The following ZMYM4 variants were observed in gnomAD, a reference collection of about 807,000 sequenced individuals.
The protein encoded by ZMYM4 is zinc finger MYM-type containing 4.
In ZMYM4, 31 loss-of-function variants were observed where a neutral mutation model predicts 183.2. That is an observed-to-expected ratio of 0.17 (90% CI 0.13 to 0.23). The LOEUF is 0.23. ZMYM4 is among the 10% of genes least tolerant of loss of function. The pLI is 1.00. For synonymous variants in ZMYM4, 592 were observed against 631.2 expected, an observed-to-expected ratio of 0.94 and a Z score of 0.93; for missense variants, 1,273 against 1,840.3, an observed-to-expected ratio of 0.69 and a Z score of 5.64.
At chr1:35,322,098 T>C (rs904427722) in intron 1 of ZMYM4, among the ~76,000 whole-genome samples, 1 of 152,168 alleles carries the variant, frequency 6.6e-6, no homozygotes, top group Non-Finnish European at 1.5e-5. Flanking sequence ...AACAGGGACA[T>C]TTCTATGTCT....
intron 1 of ZMYM4, among the ~76,000 whole-genome samples, chr1:35,275,068 G>GA (rs1639803421): frequency 6.6e-6 from 1 of 152,060 alleles, no homozygotes; most frequent in Non-Finnish European, 1.5e-5. Context: ...TACTTCTTAG[G>GA]AATCATTAAG....
At chr1:35,356,238 A>G (rs555649036) in intron 2 of ZMYM4, among the ~76,000 whole-genome samples, 1 of 152,178 alleles carries the variant, frequency 6.6e-6, no homozygotes, top group Non-Finnish European at 1.5e-5. Context: ...CTAAATAAAT[A>G]AGTAAATGTA....
chr1:35,370,520 A>G lies in ZMYM4; in HGVS notation c.1074A>G (p.Lys358=). 3 of 1,613,650 alleles carry G rather than the reference A, an allele frequency of 1.9e-6. No homozygotes were observed. Among genetic ancestry groups the G allele is most frequent in the Non-Finnish European group, 2.5e-6 (3 of 1,179,880 alleles). ...AGGGGCAAACTGCTTATCAGAGGAAAGGGTCTACTCAGCTATTCTGCTCCA... is the reference window on the plus strand; with the variant it reads ...AGGGGCAAACTGCTTATCAGAGGAAGGGGTCTACTCAGCTATTCTGCTCCA... ...LQKGQTAYQR[K]GSTQLFCSTL... is the part of the protein sequence containing the mutation. Residue 358 remains lysine (K), a synonymous_variant, in exon 7 of 30, where the codon AAA becomes AAG. Coordinates refer to ENST00000314607, the MANE Select transcript of ZMYM4 (RefSeq NM_005095.3).
intron 2 of ZMYM4, among the ~76,000 whole-genome samples, chr1:35,338,367 A>G (rs1643062904): frequency 6.6e-6 from 1 of 152,324 alleles, no homozygotes; most frequent in East Asian, 1.9e-4. Flanking sequence ...CCTCTGTATC[A>G]GTGGATCCTG....
chr1:35,271,354 A>G (rs1226145010), intron 1 of ZMYM4, among the ~76,000 whole-genome samples: 1 of 143,828 alleles, frequency 7.0e-6, no homozygotes, highest in Non-Finnish European at 1.5e-5. Flanking sequence ...TGCTAAAGGA[A>G]TGCTGGAAAA....
At chr1:35,384,554 C>T (rs1644532221) in intron 9 of ZMYM4, among the ~76,000 whole-genome samples, 1 of 152,118 alleles carries the variant, frequency 6.6e-6, no homozygotes, top group Admixed American at 6.6e-5. Context: ...TGTATTTGGA[C>T]ACCTGTGATG....
intron 1 of ZMYM4, among the ~76,000 whole-genome samples, chr1:35,319,363 C>T (rs562622771): frequency 6.6e-6 from 1 of 152,056 alleles, no homozygotes; most frequent in Admixed American, 6.6e-5. Flanking sequence ...GTGGCTCATG[C>T]TTGCATTCCC....
At chr1:35,344,930 A>C (rs946901764) in intron 2 of ZMYM4, among the ~76,000 whole-genome samples, 1 of 152,172 alleles carries the variant, frequency 6.6e-6, no homozygotes, top group Non-Finnish European at 1.5e-5. Context: ...TATTTACTCA[A>C]TTCACTAGTG....
chr1:35,344,868 C>A (rs2148868883), intron 2 of ZMYM4, among the ~76,000 whole-genome samples: 1 of 152,300 alleles, frequency 6.6e-6, no homozygotes, highest in South Asian at 2.1e-4. Flanking sequence ...ATTCCTTTCT[C>A]ATATTTGCTT....
At chr1:35,327,688 T>C (rs186209895) in intron 2 of ZMYM4, among the ~76,000 whole-genome samples, 1 of 152,332 alleles carries the variant, frequency 6.6e-6, no homozygotes, top group East Asian at 1.9e-4. Context: ...ATTTTAGATA[T>C]ATACTAGGAT....
chr1:35,393,461 ATTTGG>A (rs1644746651), intron 17 of ZMYM4, 129 bp from the exon 18 acceptor site: 3 of 754,604 alleles, frequency 4.0e-6, no homozygotes, highest in Admixed American at 3.3e-5. Flanking sequence ...TTTCTTATAC[ATTTGG>A]TTGAATATTT....
At chr1:35,270,759 A>G (rs946733953) in intron 1 of ZMYM4, among the ~76,000 whole-genome samples, 1 of 152,146 alleles carries the variant, frequency 6.6e-6, no homozygotes, top group Non-Finnish European at 1.5e-5. Context: ...CCTAGGTGAC[A>G]GAGGGAGGCA....
At chr1:35,334,250 T>G (rs1642882268) in intron 2 of ZMYM4, among the ~76,000 whole-genome samples, 1 of 152,026 alleles carries the variant, frequency 6.6e-6, no homozygotes, top group Admixed American at 6.6e-5. Context: ...GCCCGGGAGT[T>G]CGAGGCTATA....
intron 7 of ZMYM4, among the ~76,000 whole-genome samples, chr1:35,379,871 A>G (rs891147663): frequency 7.2e-5 from 11 of 152,232 alleles, no homozygotes; most frequent in Non-Finnish European, 1.2e-4. Context: ...ACAATTTTCA[A>G]TTAAGTTTGC....
chr1:35,355,536 CTATCTT>C (rs1454614739), intron 2 of ZMYM4, among the ~76,000 whole-genome samples: 4 of 152,002 alleles, frequency 2.6e-5, no homozygotes, highest in Non-Finnish European at 5.9e-5. Context: ...ACTATAGGTC[CTATCTT>C]TATCTTTTAA....
chr1:35,368,474 AAT>A (rs1558096383), intron 5 of ZMYM4, among the ~76,000 whole-genome samples: 1 of 152,212 alleles, frequency 6.6e-6, no homozygotes, highest in East Asian at 1.9e-4. Context: ...ACTGAGAGTT[AAT>A]AGTGTTCCAT....
At chr1:35,327,182 A>G (rs919739589) in intron 2 of ZMYM4, among the ~76,000 whole-genome samples, 2 of 152,222 alleles carry the variant, frequency 1.3e-5, no homozygotes, top group Non-Finnish European at 2.9e-5. Flanking sequence ...CTTCAGTGCT[A>G]CAGCAAAATA....
chr1:35,352,751 G>T (rs1436492250), intron 2 of ZMYM4, among the ~76,000 whole-genome samples: 1 of 152,102 alleles, frequency 6.6e-6, no homozygotes, highest in Non-Finnish European at 1.5e-5. Context: ...TTCCTTCTTA[G>T]TGTCTTTTTC....
At chr1:35,400,862 T>C (rs1644895255) in intron 23 of ZMYM4, among the ~76,000 whole-genome samples, 1 of 152,244 alleles carries the variant, frequency 6.6e-6, no homozygotes, top group Non-Finnish European at 1.5e-5. Flanking sequence ...TGGAATCCTA[T>C]AATATGTAGT....
Sources: allele counts gnomAD v4.1 joint callset (sites outside exome capture counted in the v4.1 genomes callset), GRCh38; gene constraint gnomAD v4.1.1; transcripts MANE v1.5; gene names NCBI Gene and HGNC (gene_info 2026-07-23, HGNC 2026-07-21).